Variants in SOS2 observed in about 807,000 individuals in gnomAD.
The protein encoded by SOS2 is son of sevenless homolog 2.
SOS2 carries 65 observed loss-of-function variants against 148.2 expected under a neutral mutation model. The observed-to-expected ratio is 0.44, with a 90% CI of 0.36 to 0.54. The LOEUF is 0.54. Ranked by LOEUF, SOS2 falls within the 20% of genes least tolerant of loss-of-function variation. The pLI is 0.00. For synonymous variants in SOS2, 539 were observed against 537.1 expected (o/e 1.00, Z -0.05); for missense variants, 1,341 against 1,590.2 (o/e 0.84, Z 2.67).
At chr14:50,188,407 C>G in intron 5 of SOS2, 90 bp downstream of exon 5, 1 of 900,528 alleles carries the variant, frequency 1.1e-6, no homozygotes, top group Non-Finnish European at 1.7e-6. Context: ...GACTCCGTCT[C>G]AAAAAAATAA....
chr14:50,195,809 T>C (rs2139765125), intron 4 of SOS2, among the ~76,000 whole-genome samples: 1 of 151,454 alleles, frequency 6.6e-6, no homozygotes, highest in East Asian at 1.9e-4. Flanking sequence ...GGCAGGCAGA[T>C]CACAAGGTCA....
intron 19 of SOS2, 120 bp downstream of exon 19, chr14:50,134,003 T>C (rs1267369607): frequency 7.2e-6 from 5 of 696,824 alleles, no homozygotes; most frequent in African/African-American, 1.8e-5. Context: ...AGTATATTAC[T>C]GCAAACAAAA....
At chr14:50,228,691 G>C (rs1887453553) in intron 1 of SOS2, among the ~76,000 whole-genome samples, 1 of 152,106 alleles carries the variant, frequency 6.6e-6, no homozygotes, top group Non-Finnish European at 1.5e-5. Flanking sequence ...TGCTTTCATA[G>C]ACACACAAAT....
intron 1 of SOS2, among the ~76,000 whole-genome samples, chr14:50,219,478 C>T (rs995183563): frequency 1.3e-5 from 2 of 151,916 alleles, no homozygotes; most frequent in Non-Finnish European, 2.9e-5. Context: ...AAAATGCAAT[C>T]GATAATGACA....
chr14:50,176,512 G>T lies in SOS2; in HGVS notation c.970-1960C>A, dbSNP rs1449969570. 2.0e-5 allele frequency among the ~76,000 whole-genome samples: 3 copies of T among 152,328 alleles called. No homozygotes were observed. The East Asian group carries it at 5.8e-4, about 29-fold the overall frequency. On this transcript the variant is annotated intron_variant, in intron 7 of 22. Transcript: ENST00000216373. ...GTGCATTCTAAAATTTTTGTAGCAT[G>T]TATTTACAGTGTAAGGAGTCCTCTG...
intron 7 of SOS2, among the ~76,000 whole-genome samples, chr14:50,179,537 T>C (rs1371140155): frequency 2.6e-5 from 4 of 151,970 alleles, no homozygotes; most frequent in African/African-American, 9.7e-5. Flanking sequence ...GGCTAAGTTT[T>C]TATATTTTGT....
chr14:50,129,846 A>G, intron 21 of SOS2, 115 bp downstream of exon 21: 1 of 625,496 alleles, frequency 1.6e-6, no homozygotes, highest in Non-Finnish European at 2.8e-6. Flanking sequence ...AATTAAATTT[A>G]TTTATAACTT....
intron 8 of SOS2, among the ~76,000 whole-genome samples, chr14:50,167,721 T>C (rs569724876): frequency 2.4e-4 from 36 of 151,670 alleles, no homozygotes; most frequent in Middle Eastern, 3.4e-3. Context: ...AATACAAAAA[T>C]TAGAATGGCG....
In SOS2 at chr14:50,182,568, A is replaced by G. The variant is rs1283549797; in HGVS notation, c.753T>C (p.His251=). Residue 251 remains histidine (H), a synonymous_variant, in exon 6 of 23, where the codon CAT becomes CAC. Transcript: ENST00000216373. ...AACCTAAAAGTTTCACAGTCAATTC[A>G]TGTATATCTGAAATGTTACTAAAAA... The part of the protein sequence containing the change: ...EKIFSNISDI[H]ELTVKLLGLI... 1.9e-6 allele frequency: 3 copies of G among 1,606,074 alleles called. No individual in the cohort carries two copies. Among genetic ancestry groups the G allele is most frequent in the Admixed American group, 1.7e-5 (1 of 59,960 alleles).
chr14:50,122,092 G>C (rs890256514), intron 21 of SOS2, among the ~76,000 whole-genome samples: 1 of 152,142 alleles, frequency 6.6e-6, no homozygotes, highest in African/African-American at 2.4e-5. Context: ...AAATCAATCA[G>C]AGTAATCCCA....
intron 16 of SOS2, among the ~76,000 whole-genome samples, chr14:50,142,198 G>A (rs1884319207): frequency 6.6e-6 from 1 of 151,766 alleles, no homozygotes; most frequent in South Asian, 2.1e-4. Flanking sequence ...AGTAAAGACG[G>A]GGTTTCATCA....
chr14:50,141,391 C>T (rs903473248), intron 16 of SOS2, among the ~76,000 whole-genome samples: 2 of 151,264 alleles, frequency 1.3e-5, no homozygotes, highest in African/African-American at 2.4e-5. Context: ...CAGGGTGGCA[C>T]GTGCCTATAG....
intron 1 of SOS2, among the ~76,000 whole-genome samples, chr14:50,223,266 T>C (rs1266970263): frequency 1.3e-5 from 2 of 152,178 alleles, no homozygotes; most frequent in African/African-American, 4.8e-5. Context: ...CCGGGTGTGG[T>C]GCTTCATGCC....
At chr14:50,200,096 A>G (rs1476611160) in intron 3 of SOS2, among the ~76,000 whole-genome samples, 2 of 152,138 alleles carry the variant, frequency 1.3e-5, no homozygotes, top group Non-Finnish European at 2.9e-5. Flanking sequence ...GTTGATCTTG[A>G]TATAGAAATC....
At chr14:50,201,114 A>G (rs1886472372) in intron 2 of SOS2, 30 bp from the exon 3 acceptor site, 1 of 1,605,714 alleles carries the variant, frequency 6.2e-7, no homozygotes, top group African/African-American at 1.3e-5. Flanking sequence ...CCATTGTAGT[A>G]TTAATAAAAG....
chr14:50,174,788 T>C (rs542290692), intron 7 of SOS2, among the ~76,000 whole-genome samples: 1 of 152,346 alleles, frequency 6.6e-6, no homozygotes, highest in South Asian at 2.1e-4. Context: ...TAAAATAGCT[T>C]TCACAATAAT....
chr14:50,208,041 A>G (rs1886726155), intron 1 of SOS2, among the ~76,000 whole-genome samples: 1 of 152,168 alleles, frequency 6.6e-6, no homozygotes, highest in Admixed American at 6.5e-5. Flanking sequence ...CACACCTATA[A>G]TCCCAGCACT....
At chr14:50,124,656 A>G (rs753355516) in intron 21 of SOS2, among the ~76,000 whole-genome samples, 31 of 152,210 alleles carry the variant, frequency 2.0e-4, no homozygotes, top group Non-Finnish European at 4.1e-4. Context: ...CATTAATTCA[A>G]AAGACTAAAA....
chr14:50,143,917 C>A (rs1194044081), intron 16 of SOS2, among the ~76,000 whole-genome samples: 7 of 151,466 alleles, frequency 4.6e-5, no homozygotes, highest in Admixed American at 2.6e-4. Flanking sequence ...TCTCTGCCTC[C>A]CAAAGTGTTG....
Sources: gnomAD v4.1 joint callset for allele counts (sites outside exome capture counted in the v4.1 genomes callset) on GRCh38, gnomAD v4.1.1 for gene constraint, MANE v1.5 for transcripts, NCBI Gene and HGNC (gene_info 2026-07-23, HGNC 2026-07-21) for gene names.